The following GRXCR1 variants were observed in gnomAD, a reference collection of about 807,000 sequenced individuals.
GRXCR1 encodes glutaredoxin and cysteine rich domain containing 1.
Under a neutral mutation model 27.3 loss-of-function variants are expected in GRXCR1, and 27 were observed. The observed-to-expected ratio is 0.99, with a 90% confidence interval of 0.73 to 1.37. GRXCR1 has a LOEUF of 1.37. Among genes scored for constraint, GRXCR1 ranks in the 40% most tolerant of loss-of-function variants. The pLI, the probability that GRXCR1 is intolerant of heterozygous loss-of-function variation, is 0.00. For missense variants in GRXCR1, 379 were observed against 354.4 expected, an observed-to-expected ratio of 1.07 and a Z score of -0.56; for synonymous variants, 122 against 131.1, an observed-to-expected ratio of 0.93 and a Z score of 0.47.
intron 2 of GRXCR1, among the ~76,000 whole-genome samples, chr4:43,018,539 T>C (rs1577947571): frequency 6.6e-6 from 1 of 152,184 alleles, no homozygotes; most frequent in African/African-American, 2.4e-5. Context: ...GGTCCTTTCT[T>C]GGCATATGCG....
At chr4:42,903,798 G>A (rs1746523124) in intron 1 of GRXCR1, among the ~76,000 whole-genome samples, 1 of 127,792 alleles carries the variant, frequency 7.8e-6, no homozygotes, top group African/African-American at 2.7e-5. Context: ...AAGAATTTCT[G>A]GAGATGAAAT....
intron 2 of GRXCR1, among the ~76,000 whole-genome samples, chr4:42,985,124 C>T (rs772840903): frequency 1.3e-5 from 2 of 152,142 alleles, no homozygotes; most frequent in Non-Finnish European, 2.9e-5. Context: ...TGCATGTTTT[C>T]TGGTTCCCTT....
chr4:42,940,081 C>A (rs1288594511), intron 1 of GRXCR1, among the ~76,000 whole-genome samples: 1 of 151,944 alleles, frequency 6.6e-6, no homozygotes, highest in Non-Finnish European at 1.5e-5. Context: ...TATTCTATTT[C>A]TGCTCCTCTG....
chr4:42,979,710 A>T (rs1210508987), intron 2 of GRXCR1, among the ~76,000 whole-genome samples: 5 of 151,938 alleles, frequency 3.3e-5, no homozygotes, highest in Admixed American at 1.3e-4. Context: ...GTTTATTGGA[A>T]GAGATTTTTT....
intron 1 of GRXCR1, among the ~76,000 whole-genome samples, chr4:42,954,972 T>G (rs767727965): frequency 7.2e-5 from 11 of 152,168 alleles, no homozygotes; most frequent in Non-Finnish European, 1.2e-4. Flanking sequence ...AATCTCATAA[T>G]GCACATTTAA....
At chr4:43,023,123 TG>T (rs1713144729) in intron 3 of GRXCR1, among the ~76,000 whole-genome samples, 1 of 152,178 alleles carries the variant, frequency 6.6e-6, no homozygotes. Context: ...GACTATACTG[TG>T]GCAGGACACA....
intron 1 of GRXCR1, among the ~76,000 whole-genome samples, chr4:42,957,620 CTTT>C (rs1190569594): frequency 2.0e-5 from 3 of 151,674 alleles, no homozygotes; most frequent in Non-Finnish European, 4.4e-5. Context: ...ATTTCTTATT[CTTT>C]TTCTTTTGAC....
chr4:42,906,969 G>T (rs770644650), intron 1 of GRXCR1, among the ~76,000 whole-genome samples: 2 of 152,052 alleles, frequency 1.3e-5, no homozygotes, highest in Admixed American at 1.3e-4. Flanking sequence ...GATCTCCTTC[G>T]TGTTAAATTG....
At chr4:43,001,419 T>G (rs73240046) in intron 2 of GRXCR1, among the ~76,000 whole-genome samples, 9 of 152,278 alleles carry the variant, frequency 5.9e-5, no homozygotes, top group Non-Finnish European at 1.0e-4. Context: ...AGTTTTTGCC[T>G]CTTGGAAAGT....
At chr4:42,894,064 G>A (rs1428814554) in intron 1 of GRXCR1, among the ~76,000 whole-genome samples, 1 of 152,068 alleles carries the variant, frequency 6.6e-6, no homozygotes, top group Non-Finnish European at 1.5e-5. Context: ...AGAAAATGTT[G>A]AGTGCATGAA....
intron 2 of GRXCR1, among the ~76,000 whole-genome samples, chr4:42,976,895 A>G (rs959947292): frequency 6.6e-6 from 1 of 152,014 alleles, no homozygotes; most frequent in Admixed American, 6.6e-5. Flanking sequence ...AATAGACTGG[A>G]TGCAATAGAT....
At chr4:42,964,051 A>G (rs1247565940) in intron 2 of GRXCR1, among the ~76,000 whole-genome samples, 1 of 152,008 alleles carries the variant, frequency 6.6e-6, no homozygotes, top group Non-Finnish European at 1.5e-5. Flanking sequence ...ATGAAAAGAT[A>G]AATGTAGAGA....
chr4:42,988,242 T>C (rs1711843747), intron 2 of GRXCR1, among the ~76,000 whole-genome samples: 1 of 152,248 alleles, frequency 6.6e-6, no homozygotes, highest in Non-Finnish European at 1.5e-5. Flanking sequence ...GCAAGACCTA[T>C]ATTTTCAGAT....
chr4:42,940,501 A>C lies in GRXCR1; in HGVS notation c.385-22391A>C, dbSNP rs565652836. On this transcript the variant is annotated intron_variant, in intron 1 of 3. Coordinates refer to ENST00000399770, the MANE Select transcript of GRXCR1 (RefSeq NM_001080476.3). ...TCAACCTCTTTACATGCTGGAGCTG[A>C]AACAAAAAATGCAAATTATTAAGTT... 4.6e-5 allele frequency among the ~76,000 whole-genome samples: 7 copies of C among 152,108 alleles called. No homozygotes were observed. The South Asian group carries it at 1.2e-3, about 27-fold the overall frequency.
intron 1 of GRXCR1, among the ~76,000 whole-genome samples, chr4:42,927,947 A>G (rs1459462402): frequency 6.6e-6 from 1 of 152,014 alleles, no homozygotes; most frequent in Non-Finnish European, 1.5e-5. Flanking sequence ...AAAGAAAACC[A>G]AACTTGCTTG....
chr4:43,013,440 T>C (rs1400913395), intron 2 of GRXCR1, among the ~76,000 whole-genome samples: 3 of 152,094 alleles, frequency 2.0e-5, no homozygotes, highest in Admixed American at 2.0e-4. Flanking sequence ...TGGGTACTCA[T>C]GGACATAAAG....
chr4:43,015,482 A>G (rs1393836682), intron 2 of GRXCR1, among the ~76,000 whole-genome samples: 2 of 152,112 alleles, frequency 1.3e-5, no homozygotes, highest in Non-Finnish European at 2.9e-5. Context: ...TGGTTACCAA[A>G]AAAGCAAGAA....
At chr4:42,969,619 G>C (rs1422089125) in intron 2 of GRXCR1, among the ~76,000 whole-genome samples, 1 of 152,068 alleles carries the variant, frequency 6.6e-6, no homozygotes, top group Non-Finnish European at 1.5e-5. Context: ...CAGATCTCGT[G>C]AGAACCTGCT....
intron 1 of GRXCR1, among the ~76,000 whole-genome samples, chr4:42,926,029 G>A (rs1397933582): frequency 6.6e-6 from 1 of 151,978 alleles, no homozygotes; most frequent in Non-Finnish European, 1.5e-5. Flanking sequence ...AAAAAAGTTT[G>A]TTTCCAAAGT....
Sources: allele counts gnomAD v4.1 joint callset (sites outside exome capture counted in the v4.1 genomes callset), GRCh38; gene constraint gnomAD v4.1.1; transcripts MANE v1.5; gene names NCBI Gene and HGNC (gene_info 2026-07-23, HGNC 2026-07-21).